HS3ST4: variants seen among roughly 807,000 people sequenced by gnomAD.
The protein encoded by HS3ST4 is heparan sulfate glucosamine 3-O-sulfotransferase 4.
Under a neutral mutation model 29.2 loss-of-function variants are expected in HS3ST4, and 17 were observed. The ratio of observed to expected loss-of-function variants is 0.58; its 90% CI spans 0.40 to 0.87. The LOEUF is 0.87. HS3ST4 is among the 40% of genes least tolerant of loss of function. The pLI, the probability that HS3ST4 is intolerant of heterozygous loss-of-function variation, is 0.00. For missense variants in HS3ST4, 627 were observed against 634.5 expected (o/e 0.99, Z 0.13); for synonymous variants, 314 against 285.7 (o/e 1.10, Z -1.00).
At chr16:25,929,659 A>C (rs1250622255) in intron 1 of HS3ST4, among the ~76,000 whole-genome samples, 1 of 152,242 alleles carries the variant, frequency 6.6e-6, no homozygotes, top group African/African-American at 2.4e-5. Flanking sequence ...AGTTTTCAGC[A>C]TTAGAATCTC....
At chr16:25,950,234 G>A (rs991978322) in intron 1 of HS3ST4, among the ~76,000 whole-genome samples, 18 of 152,052 alleles carry the variant, frequency 1.2e-4, no homozygotes, top group African/African-American at 4.3e-4. Context: ...GCCTTGAGTG[G>A]TCCTTTGGCC....
chr16:25,957,288 T>C (rs1413092571), intron 1 of HS3ST4, among the ~76,000 whole-genome samples: 1 of 152,202 alleles, frequency 6.6e-6, no homozygotes, highest in Non-Finnish European at 1.5e-5. Flanking sequence ...GCCTCTTCTC[T>C]GGCAAAGGCC....
At chr16:25,711,170 GAA>G (rs948107355) in intron 1 of HS3ST4, among the ~76,000 whole-genome samples, 2 of 151,998 alleles carry the variant, frequency 1.3e-5, no homozygotes, top group African/African-American at 4.8e-5. Flanking sequence ...CTAATTCCAT[GAA>G]AGACTTTGGC....
At chr16:25,837,179 G>A (rs2141642594) in intron 1 of HS3ST4, among the ~76,000 whole-genome samples, 1 of 152,332 alleles carries the variant, frequency 6.6e-6, no homozygotes, top group South Asian at 2.1e-4. Flanking sequence ...TGAGATTTCT[G>A]CTGCAGACGA....
chr16:26,103,370 G>A (rs554737706), intron 1 of HS3ST4, among the ~76,000 whole-genome samples: 4 of 152,218 alleles, frequency 2.6e-5, no homozygotes, highest in Admixed American at 2.6e-4. Context: ...TCCAACTCAA[G>A]TTTCTTCTCA....
intron 1 of HS3ST4, among the ~76,000 whole-genome samples, chr16:26,066,702 A>C (rs1349751619): frequency 6.6e-6 from 1 of 152,242 alleles, no homozygotes. Flanking sequence ...TGTGCAGAAG[A>C]GCAGGTAGAA....
intron 1 of HS3ST4, among the ~76,000 whole-genome samples, chr16:25,918,251 AG>A (rs1968312397): frequency 6.6e-6 from 1 of 152,208 alleles, no homozygotes; most frequent in African/African-American, 2.4e-5. Flanking sequence ...TACGTGCACA[AG>A]GAAGGGCACG....
intron 1 of HS3ST4, among the ~76,000 whole-genome samples, chr16:26,065,079 C>A (rs1898526713): frequency 6.6e-6 from 1 of 151,998 alleles, no homozygotes; most frequent in African/African-American, 2.4e-5. Context: ...TCCTCAAAGA[C>A]CTAAAGACAG....
At chr16:25,858,751 T>C (rs1967608751) in intron 1 of HS3ST4, among the ~76,000 whole-genome samples, 1 of 152,154 alleles carries the variant, frequency 6.6e-6, no homozygotes, top group African/African-American at 2.4e-5. Context: ...CAGGAAGTCA[T>C]TCACTTGGAA....
chr16:25,734,299 A>G (rs2141594980), intron 1 of HS3ST4, among the ~76,000 whole-genome samples: 1 of 152,358 alleles, frequency 6.6e-6, no homozygotes, highest in Non-Finnish European at 1.5e-5. Flanking sequence ...ACAAGTATGT[A>G]AAAATCGCAG....
At chr16:26,062,817 C>T (rs185621408) in intron 1 of HS3ST4, 1 of 287,328 alleles carries the variant, frequency 3.5e-6, no homozygotes, top group Non-Finnish European at 6.9e-6. Flanking sequence ...CCTAGCACCA[C>T]TTTGGTGCCT....
intron 1 of HS3ST4, among the ~76,000 whole-genome samples, chr16:25,769,769 A>C (rs547351955): frequency 6.6e-6 from 1 of 152,334 alleles, no homozygotes; most frequent in Admixed American, 6.5e-5. Context: ...TAATGAACGC[A>C]GGGTGTCTGC....
intron 1 of HS3ST4, among the ~76,000 whole-genome samples, chr16:25,866,132 C>T (rs1967692521): frequency 6.6e-6 from 1 of 152,174 alleles, no homozygotes; most frequent in African/African-American, 2.4e-5. Flanking sequence ...TTAACTACCT[C>T]TTATAGGTTC....
intron 1 of HS3ST4, among the ~76,000 whole-genome samples, chr16:25,929,389 A>G (rs8049760): frequency 0.024 from 2,955 of 121,822 alleles, 111 homozygotes; most frequent in African/African-American, 0.092. Flanking sequence ...AAACAAGAAG[A>G]AAAAAAAAAG....
At chr16:25,852,332 T>A (rs918282224) in intron 1 of HS3ST4, among the ~76,000 whole-genome samples, 5 of 152,176 alleles carry the variant, frequency 3.3e-5, no homozygotes, top group African/African-American at 9.6e-5. Flanking sequence ...CTGGGGTACA[T>A]GTGCAGGATG....
intron 1 of HS3ST4, among the ~76,000 whole-genome samples, chr16:26,042,753 T>A (rs1969646623): frequency 1.1e-5 from 1 of 93,528 alleles, no homozygotes; most frequent in Non-Finnish European, 2.4e-5. Flanking sequence ...CAGTGTGACT[T>A]TTTGTTCTCT....
chr16:25,820,052 A>G (rs951635612), intron 1 of HS3ST4, among the ~76,000 whole-genome samples: 28 of 146,644 alleles, frequency 1.9e-4, no homozygotes, highest in South Asian at 4.3e-4. Context: ...AAAAAAAAGA[A>G]AAAGAAAAAA....
At chr16:26,035,841 G>T (rs1277710325) in intron 1 of HS3ST4, among the ~76,000 whole-genome samples, 2 of 152,162 alleles carry the variant, frequency 1.3e-5, no homozygotes, top group Non-Finnish European at 2.9e-5. Flanking sequence ...GTATCTCCTT[G>T]TTCCTATGAT....
At chr16:26,101,875 T>C (rs755436840) in intron 1 of HS3ST4, among the ~76,000 whole-genome samples, 3 of 152,220 alleles carry the variant, frequency 2.0e-5, no homozygotes, top group Non-Finnish European at 4.4e-5. Context: ...TTCCCCCATC[T>C]TCTCTTTTCC....
Sources: allele counts gnomAD v4.1 joint callset (sites outside exome capture counted in the v4.1 genomes callset), GRCh38; gene constraint gnomAD v4.1.1; transcripts MANE v1.5; gene names NCBI Gene and HGNC (gene_info 2026-07-23, HGNC 2026-07-21).